CHCHD6: variants seen among roughly 807,000 people sequenced by gnomAD.
The protein encoded by CHCHD6 is coiled-coil-helix-coiled-coil-helix domain containing 6.
Under a neutral mutation model 32.3 loss-of-function variants are expected in CHCHD6, and 28 were observed. The observed-to-expected ratio is 0.87, with a 90% confidence interval of 0.64 to 1.19. The LOEUF is 1.19. Ranked by LOEUF, CHCHD6 falls within the 50% of genes most tolerant of loss-of-function variation. The pLI is 0.00. For synonymous variants in CHCHD6, 122 were observed against 117.5 expected, an observed-to-expected ratio of 1.04 and a Z score of -0.25; for missense variants, 333 against 307.0, an observed-to-expected ratio of 1.08 and a Z score of -0.63.
intron 4 of CHCHD6, among the ~76,000 whole-genome samples, chr3:126,802,622 C>T (rs894993162): frequency 2.0e-5 from 3 of 152,146 alleles, no homozygotes; most frequent in African/African-American, 7.2e-5. Flanking sequence ...AGAATGGAAC[C>T]AAGTTGGAAA....
At chr3:126,862,386 C>A (rs1398002294) in intron 5 of CHCHD6, among the ~76,000 whole-genome samples, 2 of 141,646 alleles carry the variant, frequency 1.4e-5, no homozygotes, top group African/African-American at 2.7e-5. Flanking sequence ...TCACCACCTC[C>A]TCCTCCTCTA....
At chr3:126,792,440 A>G (rs1247532903) in intron 4 of CHCHD6, among the ~76,000 whole-genome samples, 1 of 151,730 alleles carries the variant, frequency 6.6e-6, no homozygotes, top group Non-Finnish European at 1.5e-5. Context: ...CAGACTTTTG[A>G]TGTGTTATTT....
At chr3:126,796,068 G>T (rs1167832969) in intron 4 of CHCHD6, among the ~76,000 whole-genome samples, 2 of 152,152 alleles carry the variant, frequency 1.3e-5, no homozygotes, top group Non-Finnish European at 2.9e-5. Context: ...TTCTTGGCCA[G>T]GTGTAGTGGC....
At chr3:126,882,713 A>C (rs2077627753) in intron 5 of CHCHD6, among the ~76,000 whole-genome samples, 1 of 152,188 alleles carries the variant, frequency 6.6e-6, no homozygotes, top group Non-Finnish European at 1.5e-5. Flanking sequence ...ATTATCACAC[A>C]TGCAAGACTT....
chr3:126,839,350 G>C (rs1230096201), intron 4 of CHCHD6, among the ~76,000 whole-genome samples: 1 of 152,132 alleles, frequency 6.6e-6, no homozygotes, highest in Non-Finnish European at 1.5e-5. Flanking sequence ...ACATCTCTCT[G>C]TATAAACACA....
intron 4 of CHCHD6, among the ~76,000 whole-genome samples, chr3:126,776,432 G>C (rs1937650417): frequency 6.6e-6 from 1 of 152,136 alleles, no homozygotes; most frequent in Admixed American, 6.6e-5. Flanking sequence ...AGTAAAGTGA[G>C]GCTTCAGTTA....
chr3:126,947,747 G>T (rs1270305771), intron 6 of CHCHD6, among the ~76,000 whole-genome samples: 1 of 152,182 alleles, frequency 6.6e-6, no homozygotes, highest in Non-Finnish European at 1.5e-5. Flanking sequence ...TGCCCGTGCT[G>T]TTGACCATCA....
At chr3:126,817,878 T>G (rs1252076381) in intron 4 of CHCHD6, among the ~76,000 whole-genome samples, 1 of 152,176 alleles carries the variant, frequency 6.6e-6, no homozygotes, top group Non-Finnish European at 1.5e-5. Context: ...TATTTGAAAT[T>G]CATTCTTTCT....
Position 126,704,266 on chromosome 3 carries a change from G to T in CHCHD6, c.-47G>T. On this transcript the variant is annotated 5_prime_UTR_variant, in exon 1 of 8. Coordinates refer to ENST00000290913, the MANE Select transcript of CHCHD6 (RefSeq NM_032343.3). Reference sequence around the variant, plus strand: ...AAGCGTTGTTGGCCCGGTTGCTCTGGAGCCGGGTCTCGGGTCTGGTGGCTG... The same window carrying T: ...AAGCGTTGTTGGCCCGGTTGCTCTGTAGCCGGGTCTCGGGTCTGGTGGCTG... The T allele has an allele frequency of 6.7e-7, 1 of 1,503,366 alleles. No individual in the cohort carries two copies. The allele number at this position is 1,503,366 out of a possible 1,614,324, so 93.1% of individuals were successfully genotyped here.
At chr3:126,892,953 GTTGTTTTGTTTTGTT>G (rs199872466) in intron 5 of CHCHD6, among the ~76,000 whole-genome samples, 4 of 151,586 alleles carry the variant, frequency 2.6e-5, no homozygotes, top group Non-Finnish European at 5.9e-5. Context: ...TGTTGTTGTT[GTTGTTTTGTTTTGTT>G]TTGTTTTGTT....
intron 5 of CHCHD6, among the ~76,000 whole-genome samples, chr3:126,889,031 A>G (rs2077716929): frequency 6.6e-6 from 1 of 152,186 alleles, no homozygotes; most frequent in Non-Finnish European, 1.5e-5. Flanking sequence ...TAGGAGCCTC[A>G]GGAGAGTGGT....
chr3:126,801,224 G>A (rs1219467108), intron 4 of CHCHD6, among the ~76,000 whole-genome samples: 1 of 152,216 alleles, frequency 6.6e-6, no homozygotes, highest in Non-Finnish European at 1.5e-5. Context: ...GACAGGCGGT[G>A]CAGCGCACCG....
intron 5 of CHCHD6, among the ~76,000 whole-genome samples, chr3:126,882,545 A>G (rs534623347): frequency 4.4e-4 from 67 of 152,328 alleles, no homozygotes; most frequent in African/African-American, 1.5e-3. Context: ...TGTTGATGAT[A>G]ATAATCATGA....
chr3:126,802,755 A>T (rs1425513161), intron 4 of CHCHD6, among the ~76,000 whole-genome samples: 2 of 152,218 alleles, frequency 1.3e-5, no homozygotes, highest in Non-Finnish European at 2.9e-5. Flanking sequence ...TCCAAGACAC[A>T]TAACTGTCAG....
At chr3:126,816,669 A>T (rs1313608664) in intron 4 of CHCHD6, among the ~76,000 whole-genome samples, 1 of 152,168 alleles carries the variant, frequency 6.6e-6, no homozygotes, top group Non-Finnish European at 1.5e-5. Flanking sequence ...ATGGAGTCTT[A>T]CTTCACATGC....
intron 4 of CHCHD6, among the ~76,000 whole-genome samples, chr3:126,777,854 A>G (rs1446919225): frequency 6.6e-6 from 1 of 152,252 alleles, no homozygotes; most frequent in African/African-American, 2.4e-5. Context: ...GAGTTGTACA[A>G]CCATCACCAC....
At chr3:126,818,331 G>C (rs1364075654) in intron 4 of CHCHD6, among the ~76,000 whole-genome samples, 1 of 152,138 alleles carries the variant, frequency 6.6e-6, no homozygotes, top group African/African-American at 2.4e-5. Context: ...CCAGTCCCTT[G>C]CTGGGGTTCT....
chr3:126,824,379 T>C (rs1267781704), intron 4 of CHCHD6, among the ~76,000 whole-genome samples: 1 of 150,720 alleles, frequency 6.6e-6, no homozygotes, highest in East Asian at 2.0e-4. Context: ...CTGACCAACA[T>C]GGAGAAGCCC....
chr3:126,784,697 CAG>C (rs1938116434), intron 4 of CHCHD6, among the ~76,000 whole-genome samples: 2 of 152,200 alleles, frequency 1.3e-5, no homozygotes, highest in Non-Finnish European at 1.5e-5. Context: ...CACTGCCTCT[CAG>C]TTCATGGAAG....
Sources: allele counts gnomAD v4.1 joint callset (sites outside exome capture counted in the v4.1 genomes callset), GRCh38; gene constraint gnomAD v4.1.1; transcripts MANE v1.5; gene names NCBI Gene and HGNC (gene_info 2026-07-23, HGNC 2026-07-21).